The following SIPA1L2 variants were observed in gnomAD, a reference collection of about 807,000 sequenced individuals.
SIPA1L2 encodes the protein signal-induced proliferation-associated 1-like protein 2.
A neutral mutation model predicts 163.9 loss-of-function variants in SIPA1L2; 56 were observed. That is an observed-to-expected ratio of 0.34 (90% confidence interval 0.28 to 0.43). The LOEUF (loss-of-function observed/expected upper bound fraction) is 0.43. Ranked by LOEUF, SIPA1L2 falls within the 20% of genes least tolerant of loss-of-function variation. The pLI, the probability that SIPA1L2 is intolerant of heterozygous loss-of-function variation, is 1.00. For synonymous variants in SIPA1L2, 877 were observed against 865.7 expected, an observed-to-expected ratio of 1.01 and a Z score of -0.23; for missense variants, 1,974 against 2,193.5, an observed-to-expected ratio of 0.90 and a Z score of 2.00.
At chr1:232,613,938 C>T (rs1412961874) in intron 1 of SIPA1L2, among the ~76,000 whole-genome samples, 1 of 152,178 alleles carries the variant, frequency 6.6e-6, no homozygotes, top group Non-Finnish European at 1.5e-5. Context: ...CCAACAATAA[C>T]AGAACACTTA....
At chr1:232,534,348 G>A (rs1657173752) in intron 2 of SIPA1L2, among the ~76,000 whole-genome samples, 1 of 152,200 alleles carries the variant, frequency 6.6e-6, no homozygotes, top group Admixed American at 6.5e-5. Context: ...ACAAAAGCAT[G>A]ATGTTGGACC....
intron 2 of SIPA1L2, among the ~76,000 whole-genome samples, chr1:232,567,931 C>T (rs943790748): frequency 6.6e-6 from 1 of 152,200 alleles, no homozygotes; most frequent in Non-Finnish European, 1.5e-5. Context: ...TGTAATGAAG[C>T]TTCTCTAACA....
intron 2 of SIPA1L2, among the ~76,000 whole-genome samples, chr1:232,547,585 G>T (rs1348124912): frequency 1.4e-5 from 2 of 147,014 alleles, no homozygotes; most frequent in Admixed American, 6.8e-5. Context: ...GCTGGGTGGG[G>T]GCTGGGGGGG....
chr1:232,488,399 C>T (rs1387132726), intron 5 of SIPA1L2, among the ~76,000 whole-genome samples: 1 of 152,186 alleles, frequency 6.6e-6, no homozygotes, highest in Non-Finnish European at 1.5e-5. Flanking sequence ...CTCCACCACC[C>T]TAACAGGTTA....
chr1:232,541,594 C>CA (rs1200589124), intron 2 of SIPA1L2, among the ~76,000 whole-genome samples: 1 of 152,144 alleles, frequency 6.6e-6, no homozygotes, highest in African/African-American at 2.4e-5. Context: ...TTAGTTAAGA[C>CA]AGTAAGTCGA....
At chr1:232,436,245 G>A (rs1178104444) in intron 15 of SIPA1L2, among the ~76,000 whole-genome samples, 3 of 152,170 alleles carry the variant, frequency 2.0e-5, no homozygotes, top group Non-Finnish European at 4.4e-5. Context: ...TAAGTGTTGT[G>A]GATACAAGCG....
chr1:232,599,894 T>C (rs71638442), intron 1 of SIPA1L2, among the ~76,000 whole-genome samples: 4,098 of 152,348 alleles, frequency 0.027, 75 homozygotes, highest in Non-Finnish European at 0.035. Context: ...CCTAGGCATA[T>C]CCTGTCCAAG....
At chr1:232,523,784 C>T (rs1667560268) in intron 2 of SIPA1L2, among the ~76,000 whole-genome samples, 1 of 152,172 alleles carries the variant, frequency 6.6e-6, no homozygotes, top group African/African-American at 2.4e-5. Context: ...AAACTAACAT[C>T]AATCAATATT....
chr1:232,416,775 T>C (rs529119859), intron 18 of SIPA1L2, among the ~76,000 whole-genome samples: 19 of 152,372 alleles, frequency 1.2e-4, no homozygotes, highest in Admixed American at 7.8e-4. Flanking sequence ...GGTAGTTTTA[T>C]CAATGGCTAA....
At chr1:232,421,272 T>C (rs1291797445) in intron 18 of SIPA1L2, among the ~76,000 whole-genome samples, 14 of 151,912 alleles carry the variant, frequency 9.2e-5, no homozygotes, top group Non-Finnish European at 1.5e-5. Context: ...GAAAGGGGGG[T>C]AGTATCAGGG....
Position 232,460,940 on chromosome 1 carries a change from A to G in SIPA1L2, c.3042T>C (p.Ser1014=), listed in dbSNP as rs1335510954. The change falls in exon 10 of 23, where the codon TCT becomes TCC. Residue 1014 remains serine, a synonymous_variant. Transcript: ENST00000674635. ...GGATGATGACCACCTTCACAGTCAC[A>G]GAAGTACGGAGCAGGTCGATCATCT... ...HEQMIDLLRT[S]VTVKVVIIQP... 1.9e-6 allele frequency: 3 copies of G among 1,614,136 alleles called. No individual in the cohort carries two copies. The Admixed American group carries it at 5.0e-5, about 27-fold the overall frequency.
chr1:232,602,776 C>A (rs1353970488), intron 1 of SIPA1L2, among the ~76,000 whole-genome samples: 1 of 152,234 alleles, frequency 6.6e-6, no homozygotes, highest in African/African-American at 2.4e-5. Flanking sequence ...TCTACAGAAA[C>A]TTCTGCAGTG....
intron 2 of SIPA1L2, among the ~76,000 whole-genome samples, chr1:232,547,410 T>C (rs1345977563): frequency 6.6e-6 from 1 of 150,700 alleles, no homozygotes; most frequent in Admixed American, 6.6e-5. Context: ...GGTGTAACAA[T>C]CAGGGAAGCC....
At chr1:232,551,746 C>G (rs535630224) in intron 2 of SIPA1L2, among the ~76,000 whole-genome samples, 1 of 152,260 alleles carries the variant, frequency 6.6e-6, no homozygotes, top group African/African-American at 2.4e-5. Context: ...TAAAAAGCTA[C>G]AGCCGGAGTG....
chr1:232,434,342 C>T (rs1324430738), intron 15 of SIPA1L2, among the ~76,000 whole-genome samples: 3 of 152,102 alleles, frequency 2.0e-5, no homozygotes, highest in African/African-American at 4.8e-5. Flanking sequence ...GAAAACACTG[C>T]GGTATTAAGT....
At position 232,518,363 on chromosome 1, in the gene SIPA1L2, G is replaced by A. The variant is rs181649328; in HGVS notation, c.-269-2755C>T. ...GTGAGGCTAACTCCACACCTAACAC[G>A]TGGCCAGTTAAGAATACCTCCTTCC... On this transcript the variant is annotated intron_variant, in intron 2 of 22. Transcript: ENST00000674635. Among the ~76,000 whole-genome samples, 229 of 152,172 alleles carry A rather than the reference G, an allele frequency of 1.5e-3. 2 individuals are homozygous for A. The highest frequency in any genetic ancestry group is 4.9e-3 in the African/African-American group (204 of 41,518).
rs765824846 is a variant in SIPA1L2, at chr1:232,432,460, T to C, written c.4043A>G (p.His1348Arg). The change falls in exon 16 of 23, where the codon CAT becomes CGT. Residue 1348 changes from histidine to arginine, a missense_variant. This residue lies in a region of SIPA1L2 where 1,079 missense variants were observed against 1,150.7 expected (regional missense o/e 0.94). Transcript: ENST00000674635. ...EISSHSSGSHHSGSPSAHCSK... is the reference protein window; with the variant it reads ...EISSHSSGSHRSGSPSAHCSK... ...ACAGTGAGCTGAAGGGCTTCCTGAA[T>C]GGTGAGAACCACTGAGGAGAAAAAC... 8.1e-6 allele frequency: 13 copies of C among 1,614,164 alleles called. No individual in the cohort carries two copies. The highest frequency in any genetic ancestry group is 9.3e-6 in the Non-Finnish European group (11 of 1,179,980).
intron 1 of SIPA1L2, among the ~76,000 whole-genome samples, chr1:232,627,935 C>G (rs991214450): frequency 2.0e-5 from 3 of 152,108 alleles, no homozygotes; most frequent in Non-Finnish European, 2.9e-5. Flanking sequence ...CTTCTTTTTC[C>G]TTCAGCTATT....
chr1:232,617,066 T>C (rs189063234), intron 1 of SIPA1L2, among the ~76,000 whole-genome samples: 100 of 152,376 alleles, frequency 6.6e-4, no homozygotes, highest in African/African-American at 2.3e-3. Flanking sequence ...TTGAAATAAT[T>C]GGAAATAATT....
Sources: allele counts gnomAD v4.1 joint callset (sites outside exome capture counted in the v4.1 genomes callset), GRCh38; gene constraint gnomAD v4.1.1; regional missense constraint gnomAD v4.1.1; transcripts MANE v1.5; gene names NCBI Gene and HGNC (gene_info 2026-07-23, HGNC 2026-07-21).